Variants in EFHD1 observed in about 807,000 individuals in gnomAD.
The protein encoded by EFHD1 is EF-hand domain-containing protein D1.
A neutral mutation model predicts 17.2 loss-of-function variants in EFHD1; 10 were observed. That is an observed-to-expected ratio of 0.58 (90% confidence interval 0.36 to 0.99). EFHD1 has a LOEUF of 0.99. Ranked by LOEUF, EFHD1 falls within the 50% of genes least tolerant of loss-of-function variation. The pLI is 0.01. For synonymous variants in EFHD1, 153 were observed against 142.0 expected (o/e 1.08, Z -0.55); for missense variants, 310 against 327.5 (o/e 0.95, Z 0.41).
chr2:232,631,209 A>G (rs932694308), upstream of EFHD1, among the ~76,000 whole-genome samples: 3 of 152,066 alleles, frequency 2.0e-5, no homozygotes, highest in Admixed American at 2.0e-4. Context: ...CCTGGGCAAC[A>G]AGAGCAAAAC....
Position 232,626,561 on chromosome 2 carries a change from AATTT to A in EFHD1, c.14+20399_14+20402del, listed in dbSNP as rs1316624898. ...ATAACTTGCCTAAAATTAATTAATTAATTTATTTATTTATAAATTTTGATCCTTA... is the reference window on the plus strand; with the variant it reads ...ATAACTTGCCTAAAATTAATTAATTAATTTATTTATAAATTTTGATCCTTA... On this transcript the variant is annotated intron_variant, in intron 1 of 3. Transcript: ENST00000409613. Among the ~76,000 whole-genome samples, 11 of 152,226 alleles carry A rather than the reference AATTT, an allele frequency of 7.2e-5. No homozygotes were observed. The East Asian group carries it at 2.1e-3, about 29-fold the overall frequency.
chr2:232,672,248 G>A, intron 2 of EFHD1, 61 bp from the exon 3 acceptor site: 1 of 1,609,472 alleles, frequency 6.2e-7, no homozygotes, highest in African/African-American at 1.3e-5. Context: ...TTGGACCAGA[G>A]GGCTGGTTAT....
At chr2:232,665,568 C>T (rs1694954207) in intron 2 of EFHD1, among the ~76,000 whole-genome samples, 1 of 152,148 alleles carries the variant, frequency 6.6e-6, no homozygotes, top group African/African-American at 2.4e-5. Flanking sequence ...ACTACAGGCG[C>T]ATGCCATCAT....
At chr2:232,675,986 G>C (rs1400713726) in intron 3 of EFHD1, among the ~76,000 whole-genome samples, 1 of 152,078 alleles carries the variant, frequency 6.6e-6, no homozygotes, top group African/African-American at 2.4e-5. Flanking sequence ...GACCAGCCTG[G>C]CCAACATGGT....
chr2:232,631,262 TTC>T (rs372033136), upstream of EFHD1, among the ~76,000 whole-genome samples: 33 of 148,774 alleles, frequency 2.2e-4, no homozygotes, highest in Non-Finnish European at 2.5e-4. Context: ...CATGCAAAGT[TTC>T]TCTCTCTCTC....
chr2:232,681,920 T>C lies in EFHD1; in HGVS notation c.*201T>C. On this transcript the variant is annotated 3_prime_UTR_variant, in exon 4 of 4. Coordinates refer to ENST00000264059, the MANE Select transcript of EFHD1 (RefSeq NM_025202.4). ...AGGGTCCTGGGGTGGGCCAGATGCC[T>C]GCCCACCTCTGTCTCCTGCCTCTGC... The C allele has an allele frequency of 1.5e-6, 1 of 663,532 alleles. No individual in the cohort carries two copies. Among genetic ancestry groups the C allele is most frequent in the Non-Finnish European group, 2.4e-6 (1 of 416,146 alleles). 41.1% of individuals were successfully genotyped at this position (663,532 alleles called of 1,614,324 possible). A position where few individuals can be genotyped will look rare whatever the true frequency, so the allele number is the denominator to read the frequency against.
At chr2:232,680,810 A>G (rs1695266580) in intron 3 of EFHD1, among the ~76,000 whole-genome samples, 1 of 151,122 alleles carries the variant, frequency 6.6e-6, no homozygotes, top group Non-Finnish European at 1.5e-5. Flanking sequence ...CGCCCAGCCC[A>G]GGGAGAAATG....
intron 2 of EFHD1, among the ~76,000 whole-genome samples, chr2:232,663,668 C>A (rs74323402): frequency 0.012 from 1,886 of 152,158 alleles, 15 homozygotes; most frequent in Non-Finnish European, 0.019. Context: ...GCCCGGCCTA[C>A]ATGTGATATC....
At chr2:232,613,623 C>CACACAT (rs1553593989) in intron 1 of EFHD1, among the ~76,000 whole-genome samples, 2 of 103,972 alleles carry the variant, frequency 1.9e-5, no homozygotes, top group Non-Finnish European at 4.6e-5. Context: ...CACACACACA[C>CACACAT]ACACACACAT....
upstream of EFHD1, among the ~76,000 whole-genome samples, chr2:232,632,137 C>T (rs148553355): frequency 2.6e-5 from 4 of 152,282 alleles, no homozygotes; most frequent in East Asian, 7.7e-4. Context: ...CTTCTAGTCA[C>T]CACCACCAGG....
At chr2:232,670,881 A>G (rs1695053265) in intron 2 of EFHD1, among the ~76,000 whole-genome samples, 1 of 152,222 alleles carries the variant, frequency 6.6e-6, no homozygotes, top group Non-Finnish European at 1.5e-5. Flanking sequence ...AAAGGCAAAC[A>G]ATCTAATGCA....
chr2:232,676,797 G>T (rs1189383569), intron 3 of EFHD1, among the ~76,000 whole-genome samples: 1 of 152,136 alleles, frequency 6.6e-6, no homozygotes, highest in African/African-American at 2.4e-5. Context: ...TGTAATCAGA[G>T]GTATAAGGAA....
rs1444480451 is a variant in EFHD1, at chr2:232,627,062, A to AT, written c.14+20890dup. On this transcript the variant is annotated intron_variant, in intron 1 of 3. Coordinates refer to the EFHD1 transcript ENST00000409613. The stretch of plus-strand genomic sequence containing the variant: ...TATATATATATATATATATATATAT[A>AT]TATTTTTTTTTTTTTTTAATTAGCC... 4.7e-3 allele frequency among the ~76,000 whole-genome samples: 509 copies of AT among 109,448 alleles called. 3 individuals are homozygous for AT. Among genetic ancestry groups the AT allele is most frequent in the African/African-American group, 0.011 (314 of 29,152 alleles). 71.8% of individuals were successfully genotyped at this position (109,448 alleles called of 152,430 possible). A position where few individuals can be genotyped will look rare whatever the true frequency, so the allele number is the denominator to read the frequency against.
intron 2 of EFHD1, among the ~76,000 whole-genome samples, chr2:232,664,774 T>C (rs1411557970): frequency 1.3e-5 from 2 of 151,504 alleles, no homozygotes; most frequent in East Asian, 2.0e-4. Flanking sequence ...CCACCACGCC[T>C]GGCTAATTTT....
chr2:232,627,058 ATATATATTTTT>A (rs1178551020), intron 1 of EFHD1, among the ~76,000 whole-genome samples: 2 of 121,844 alleles, frequency 1.6e-5, no homozygotes, highest in African/African-American at 6.4e-5. Context: ...ATATATATAT[ATATATATTTTT>A]TTTTTTTTTT....
At chr2:232,636,552 G>A (rs1282986354) in intron 1 of EFHD1, among the ~76,000 whole-genome samples, 1 of 152,192 alleles carries the variant, frequency 6.6e-6, no homozygotes, top group East Asian at 1.9e-4. Context: ...TTGGCTGGGT[G>A]TGGTGGCTCA....
chr2:232,668,322 G>C (rs768273776), intron 2 of EFHD1, among the ~76,000 whole-genome samples: 1 of 152,246 alleles, frequency 6.6e-6, no homozygotes, highest in African/African-American at 2.4e-5. Context: ...TAACTGGCTG[G>C]GGTAGGGGGT....
upstream of EFHD1, among the ~76,000 whole-genome samples, chr2:232,629,760 C>T (rs1304547809): frequency 2.6e-4 from 40 of 151,442 alleles, 1 homozygote; most frequent in Non-Finnish European, 4.4e-5. Context: ...TGAGCCACCA[C>T]GCCCGGCCAA....
intron 1 of EFHD1, among the ~76,000 whole-genome samples, chr2:232,640,905 G>A (rs1694419508): frequency 6.6e-6 from 1 of 152,192 alleles, no homozygotes; most frequent in South Asian, 2.1e-4. Flanking sequence ...ACCTCCTGGA[G>A]ACAGAGAATG....
Sources: allele counts gnomAD v4.1 joint callset (sites outside exome capture counted in the v4.1 genomes callset), GRCh38; gene constraint gnomAD v4.1.1; transcripts MANE v1.5; gene names NCBI Gene and HGNC (gene_info 2026-07-23, HGNC 2026-07-21).